TMTC1: variants seen among roughly 807,000 people sequenced by gnomAD.
TMTC1 encodes the protein transmembrane O-mannosyltransferase targeting cadherins 1.
TMTC1 carries 73 observed loss-of-function variants against 104.8 expected under a neutral mutation model. The ratio of observed to expected loss-of-function variants is 0.70; its 90% confidence interval spans 0.58 to 0.85. TMTC1 has a LOEUF of 0.85. TMTC1 is among the 40% of genes least tolerant of loss of function. The pLI, the probability that TMTC1 is intolerant of heterozygous loss-of-function variation, is 0.00. For synonymous variants in TMTC1, 434 were observed against 428.7 expected, an observed-to-expected ratio of 1.01 and a Z score of -0.15; for missense variants, 1,035 against 1,096.1, an observed-to-expected ratio of 0.94 and a Z score of 0.79.
chr12:29,644,511 G>A (rs777020770), intron 5 of TMTC1, among the ~76,000 whole-genome samples: 7 of 151,660 alleles, frequency 4.6e-5, no homozygotes, highest in Non-Finnish European at 8.8e-5. Flanking sequence ...ATAACCTATG[G>A]AAAATTAAAA....
At chr12:29,625,648 G>T (rs1006664185) in intron 6 of TMTC1, among the ~76,000 whole-genome samples, 2 of 152,180 alleles carry the variant, frequency 1.3e-5, no homozygotes, top group Admixed American at 6.5e-5. Context: ...GAAAGAAAAG[G>T]ATCAACAGCC....
intron 7 of TMTC1, among the ~76,000 whole-genome samples, chr12:29,602,044 G>A (rs1054069917): frequency 1.3e-5 from 2 of 151,698 alleles, no homozygotes; most frequent in African/African-American, 4.8e-5. Context: ...CTGTGTTAGC[G>A]AGGATGGTTT....
chr12:29,627,688 C>CA (rs34808896), intron 6 of TMTC1, among the ~76,000 whole-genome samples: 10 of 140,922 alleles, frequency 7.1e-5, no homozygotes, highest in African/African-American at 2.3e-4. Context: ...TTTAGTAGTC[C>CA]AAAAAAAAAA....
intron 11 of TMTC1, among the ~76,000 whole-genome samples, chr12:29,522,554 A>ATGTGTG (rs4034168): frequency 1.1e-4 from 16 of 148,814 alleles, no homozygotes; most frequent in African/African-American, 1.5e-4. Flanking sequence ...AGGACTGACA[A>ATGTGTG]TGTGTGTGTG....
At chr12:29,599,989 T>TAC (rs1480838132) in intron 7 of TMTC1, among the ~76,000 whole-genome samples, 2 of 111,760 alleles carry the variant, frequency 1.8e-5, no homozygotes, top group African/African-American at 8.6e-5. Context: ...TGTGTGTGTA[T>TAC]ATACATATAT....
chr12:29,695,088 C>T (rs1378580765), intron 5 of TMTC1, among the ~76,000 whole-genome samples: 2 of 152,178 alleles, frequency 1.3e-5, no homozygotes, highest in Admixed American at 6.5e-5. Flanking sequence ...TGGCTCCAGG[C>T]ATACTTCAGC....
At position 29,736,067 on chromosome 12, in the gene TMTC1, A is replaced by G. The variant is rs781015041; in HGVS notation, c.938+15599T>C. On this transcript the variant is annotated intron_variant, in intron 5 of 17. Coordinates refer to ENST00000539277, the MANE Select transcript of TMTC1 (RefSeq NM_001193451.2). Reference sequence around the variant, plus strand: ...ATCGTCCAGTCCATTCTCTCTGGGGAAATCAACTGTATGACCAGATTAACT... The same window carrying G: ...ATCGTCCAGTCCATTCTCTCTGGGGGAATCAACTGTATGACCAGATTAACT... Among the ~76,000 whole-genome samples, 68 of 152,086 alleles carry G rather than the reference A, an allele frequency of 4.5e-4. 1 individual carries two copies. Among genetic ancestry groups the G allele is most frequent in the Non-Finnish European group, 5.7e-4 (39 of 68,014 alleles).
intron 6 of TMTC1, among the ~76,000 whole-genome samples, chr12:29,628,781 C>T (rs1389893828): frequency 6.6e-6 from 1 of 152,060 alleles, no homozygotes; most frequent in Non-Finnish European, 1.5e-5. Flanking sequence ...TCCACCTCAG[C>T]CTGCCAAGTA....
At chr12:29,741,434 T>C (rs981604156) in intron 5 of TMTC1, among the ~76,000 whole-genome samples, 6 of 152,146 alleles carry the variant, frequency 3.9e-5, no homozygotes, top group Admixed American at 3.3e-4. Context: ...ATAACAGACT[T>C]TCCAGAGAGT....
chr12:29,773,852 T>C (rs1943648674), intron 1 of TMTC1, among the ~76,000 whole-genome samples: 1 of 152,228 alleles, frequency 6.6e-6, no homozygotes, highest in African/African-American at 2.4e-5. Flanking sequence ...TATCACCCCA[T>C]GAAGTCAGAA....
At chr12:29,748,223 A>G (rs1943004678) in intron 5 of TMTC1, among the ~76,000 whole-genome samples, 2 of 152,186 alleles carry the variant, frequency 1.3e-5, no homozygotes, top group Admixed American at 1.3e-4. Context: ...CACTCTTTCT[A>G]AAATAGCCTG....
intron 6 of TMTC1, among the ~76,000 whole-genome samples, chr12:29,611,816 C>T (rs1946853258): frequency 6.6e-6 from 1 of 152,150 alleles, no homozygotes; most frequent in Non-Finnish European, 1.5e-5. Flanking sequence ...AGGGGGCAGG[C>T]CGCAGTAAAA....
chr12:29,706,398 G>A (rs1463416021), intron 5 of TMTC1, among the ~76,000 whole-genome samples: 2 of 152,150 alleles, frequency 1.3e-5, no homozygotes, highest in Non-Finnish European at 2.9e-5. Flanking sequence ...TAAAGGCATT[G>A]CATTTTCCTT....
chr12:29,772,429 A>ATGTGTG (rs1226042965), intron 1 of TMTC1, among the ~76,000 whole-genome samples: 1 of 152,206 alleles, frequency 6.6e-6, no homozygotes, highest in Non-Finnish European at 1.5e-5. Flanking sequence ...ACACATGGGC[A>ATGTGTG]ATAAGACAGT....
chr12:29,555,196 G>A (rs1945208550), intron 10 of TMTC1, among the ~76,000 whole-genome samples: 1 of 132,410 alleles, frequency 7.6e-6, no homozygotes, highest in South Asian at 2.4e-4. Context: ...AGAGTACAGT[G>A]GCATGATCTC....
At chr12:29,687,395 T>C (rs530659781) in intron 5 of TMTC1, among the ~76,000 whole-genome samples, 10 of 152,182 alleles carry the variant, frequency 6.6e-5, no homozygotes, top group Non-Finnish European at 1.3e-4. Flanking sequence ...TTTTATAGAA[T>C]TGCTGGCTCT....
At chr12:29,723,201 A>C in intron 5 of TMTC1, among the ~76,000 whole-genome samples, 1 of 152,216 alleles carries the variant, frequency 6.6e-6, no homozygotes, top group South Asian at 2.1e-4. Flanking sequence ...ATCCATTATA[A>C]GAAAACTCAG....
At chr12:29,725,097 T>C (rs1475501288) in intron 5 of TMTC1, among the ~76,000 whole-genome samples, 1 of 141,360 alleles carries the variant, frequency 7.1e-6, no homozygotes, top group African/African-American at 2.6e-5. Context: ...TTCGGCTCAC[T>C]GTAACCTCCT....
At chr12:29,713,300 TACACACACACAC>T (rs10574727) in intron 5 of TMTC1, among the ~76,000 whole-genome samples, 11 of 134,494 alleles carry the variant, frequency 8.2e-5, no homozygotes, top group South Asian at 5.1e-4. Flanking sequence ...CATAAACACA[TACACACACACAC>T]ACACACACAC....
Sources: gnomAD v4.1 joint callset for allele counts (sites outside exome capture counted in the v4.1 genomes callset) on GRCh38, gnomAD v4.1.1 for gene constraint, MANE v1.5 for transcripts, NCBI Gene and HGNC (gene_info 2026-07-23, HGNC 2026-07-21) for gene names.